PIP5K1B: variants seen among roughly 807,000 people sequenced by gnomAD.
PIP5K1B encodes phosphatidylinositol-4-phosphate 5-kinase type 1 beta, also known as phosphatidylinositol 4-phosphate 5-kinase type-1 beta.
Under a neutral mutation model 67.0 loss-of-function variants are expected in PIP5K1B, and 42 were observed. The ratio of observed to expected loss-of-function variants is 0.63; its 90% CI spans 0.49 to 0.81. PIP5K1B has a LOEUF of 0.81. Ranked by LOEUF, PIP5K1B falls within the 30% of genes least tolerant of loss-of-function variation. The pLI is 0.00. For missense variants in PIP5K1B, 459 were observed against 646.3 expected (o/e 0.71, Z 3.14); for synonymous variants, 214 against 231.4 (o/e 0.92, Z 0.68).
At chr9:68,882,490 A>T (rs893484615) in intron 6 of PIP5K1B, among the ~76,000 whole-genome samples, 6 of 152,242 alleles carry the variant, frequency 3.9e-5, no homozygotes, top group African/African-American at 9.6e-5. Flanking sequence ...TAACCAATGA[A>T]ATAGTCTTCA....
At chr9:68,780,425 G>A (rs749738434) in intron 2 of PIP5K1B, 42 of 1,614,034 alleles carry the variant, frequency 2.6e-5, no homozygotes, top group Non-Finnish European at 3.5e-5. Flanking sequence ...GCTTGCACCA[G>A]ATCAAACAAG....
intron 2 of PIP5K1B, among the ~76,000 whole-genome samples, chr9:68,763,993 G>A (rs1034299995): frequency 6.6e-6 from 1 of 151,292 alleles, no homozygotes; most frequent in Non-Finnish European, 1.5e-5. Flanking sequence ...ACCTTCTCTG[G>A]AAATGCTGGT....
chr9:68,811,326 C>A (rs1833152047), intron 2 of PIP5K1B, among the ~76,000 whole-genome samples: 1 of 152,106 alleles, frequency 6.6e-6, no homozygotes, highest in African/African-American at 2.4e-5. Flanking sequence ...CTTACTCTTC[C>A]TGTGTTCTGT....
intron 2 of PIP5K1B, among the ~76,000 whole-genome samples, chr9:68,777,635 G>A (rs1433655870): frequency 6.6e-6 from 1 of 152,196 alleles, no homozygotes; most frequent in Admixed American, 6.5e-5. Context: ...TCTAATAGGT[G>A]TGTTCAGGCA....
At chr9:68,816,375 C>A (rs1197384730) in intron 2 of PIP5K1B, among the ~76,000 whole-genome samples, 1 of 152,236 alleles carries the variant, frequency 6.6e-6, no homozygotes, top group East Asian at 1.9e-4. Context: ...GTGATCCGCC[C>A]ACCTCCGGCT....
chr9:68,912,539 G>T (rs1213886526), intron 8 of PIP5K1B, among the ~76,000 whole-genome samples: 1 of 152,192 alleles, frequency 6.6e-6, no homozygotes, highest in African/African-American at 2.4e-5. Context: ...TGCTTTTTGT[G>T]TGCCTAAGAC....
chr9:68,991,147 T>C lies in PIP5K1B; in HGVS notation c.1510T>C (p.Leu504=). The C allele has an allele frequency of 6.3e-7, 1 of 1,588,450 alleles. No individual in the cohort carries two copies. The highest frequency in any genetic ancestry group is 8.6e-7 in the Non-Finnish European group (1 of 1,156,650). Residue 504 remains leucine, a synonymous_variant, in exon 15 of 16, where the codon TTA becomes CTA. Coordinates refer to ENST00000265382, the MANE Select transcript of PIP5K1B (RefSeq NM_003558.4). The part of the protein sequence containing the change: ...RPTLYSNSKG[L]PSSSTFTLEE... ...TCATCTTTATTTTTCCAGCAAAGGGTTACCTTCCAGTTCAACATTTACCTT... is the reference window on the plus strand; with the variant it reads ...TCATCTTTATTTTTCCAGCAAAGGGCTACCTTCCAGTTCAACATTTACCTT...
At chr9:68,976,231 T>C (rs1204231649) in intron 14 of PIP5K1B, among the ~76,000 whole-genome samples, 1 of 152,228 alleles carries the variant, frequency 6.6e-6, no homozygotes, top group African/African-American at 2.4e-5. Flanking sequence ...GTCTTAAACC[T>C]TTATTGGTTC....
At chr9:68,921,712 G>A (rs528958260) in intron 11 of PIP5K1B, among the ~76,000 whole-genome samples, 11 of 151,640 alleles carry the variant, frequency 7.3e-5, no homozygotes, top group Admixed American at 3.9e-4. Flanking sequence ...TTAGCCAGAC[G>A]TGGTGGCACA....
At chr9:68,780,112 A>G in intron 2 of PIP5K1B, 1 of 1,477,744 alleles carries the variant, frequency 6.8e-7, no homozygotes, top group South Asian at 1.5e-5. Context: ...ACTGCGGGGA[A>G]TGGGAATCCT....
intron 8 of PIP5K1B, among the ~76,000 whole-genome samples, chr9:68,895,614 G>A (rs1317626340): frequency 7.6e-6 from 1 of 132,010 alleles, no homozygotes. Flanking sequence ...AAGGAACACA[G>A]GTCTACTGTT....
chr9:68,858,493 G>T (rs933989361), intron 4 of PIP5K1B, among the ~76,000 whole-genome samples: 1 of 152,196 alleles, frequency 6.6e-6, no homozygotes, highest in Non-Finnish European at 1.5e-5. Context: ...CATAAGGTCA[G>T]CTTGCTCAAA....
chr9:68,923,294 C>A lies in PIP5K1B; in HGVS notation c.1117-8C>A. The A allele has an allele frequency of 6.4e-7, 1 of 1,559,644 alleles. No homozygotes were observed. Among genetic ancestry groups the A allele is most frequent in the Non-Finnish European group, 8.8e-7 (1 of 1,136,834 alleles). ...TGACCCTGTGATCCTGGGTTTTTGT[C>A]TTTTCAGGACACTGTTTCTGTTCAT... On this transcript the variant is annotated splice_region_variant and splice_polypyrimidine_tract_variant and intron_variant, in intron 11 of 15. Transcript: ENST00000265382.
At chr9:68,978,343 G>A (rs1345315893) in intron 14 of PIP5K1B, among the ~76,000 whole-genome samples, 5 of 152,196 alleles carry the variant, frequency 3.3e-5, no homozygotes, top group Non-Finnish European at 5.9e-5. Flanking sequence ...AGCTTTCTTA[G>A]ATTTTACAAA....
At chr9:68,733,121 A>G (rs1828533425) in intron 1 of PIP5K1B, among the ~76,000 whole-genome samples, 1 of 152,138 alleles carries the variant, frequency 6.6e-6, no homozygotes, top group South Asian at 2.1e-4. Flanking sequence ...AATTGGTGGT[A>G]ACTTATTTTT....
At chr9:68,824,983 T>C (rs1564164006) in intron 4 of PIP5K1B, among the ~76,000 whole-genome samples, 1 of 152,218 alleles carries the variant, frequency 6.6e-6, no homozygotes, top group Non-Finnish European at 1.5e-5. Flanking sequence ...ATATTATTCT[T>C]ATTTTCAAAA....
At chr9:68,823,025 CA>C (rs1833806988) in intron 4 of PIP5K1B, among the ~76,000 whole-genome samples, 1 of 152,164 alleles carries the variant, frequency 6.6e-6, no homozygotes, top group African/African-American at 2.4e-5. Context: ...CTGCCATCTT[CA>C]AAGCCAGCAA....
At chr9:68,761,817 G>A (rs1310723626) in intron 2 of PIP5K1B, among the ~76,000 whole-genome samples, 2 of 152,088 alleles carry the variant, frequency 1.3e-5, no homozygotes, top group Non-Finnish European at 2.9e-5. Flanking sequence ...CAGCTGATTA[G>A]CAATCTTAAC....
chr9:68,740,838 C>A (rs1395103764), intron 1 of PIP5K1B, among the ~76,000 whole-genome samples: 1 of 152,188 alleles, frequency 6.6e-6, no homozygotes, highest in African/African-American at 2.4e-5. Flanking sequence ...GTCACAAGAT[C>A]TGAGCTCAAG....
Sources: allele counts gnomAD v4.1 joint callset (sites outside exome capture counted in the v4.1 genomes callset), GRCh38; gene constraint gnomAD v4.1.1; transcripts MANE v1.5; gene names NCBI Gene and HGNC (gene_info 2026-07-23, HGNC 2026-07-21).